Variants in INSR observed in about 807,000 individuals in gnomAD.
INSR encodes the protein IR.
A neutral mutation model predicts 142.6 loss-of-function variants in INSR; 67 were observed. That is an observed-to-expected ratio of 0.47 (90% CI 0.39 to 0.58). INSR has a LOEUF of 0.58. Among genes scored for constraint, INSR ranks in the 20% least tolerant of loss-of-function variants. INSR has a pLI of 0.00. For missense variants in INSR, 1,248 were observed against 1,833.2 expected, an observed-to-expected ratio of 0.68 and a Z score of 5.83; for synonymous variants, 756 against 743.1, an observed-to-expected ratio of 1.02 and a Z score of -0.28.
At chr19:7,153,540 G>T (rs1973507930) in intron 9 of INSR, among the ~76,000 whole-genome samples, 1 of 123,548 alleles carries the variant, frequency 8.1e-6, no homozygotes, top group Non-Finnish European at 1.9e-5. Flanking sequence ...AGCTGAGACA[G>T]AGCCTAGATT....
At chr19:7,222,301 C>T (rs1012536943) in intron 2 of INSR, among the ~76,000 whole-genome samples, 1 of 152,080 alleles carries the variant, frequency 6.6e-6, no homozygotes. Context: ...CTGTCTTGGT[C>T]TTTAATCCTG....
chr19:7,239,974 G>A (rs893652827), intron 2 of INSR, among the ~76,000 whole-genome samples: 1 of 152,022 alleles, frequency 6.6e-6, no homozygotes, highest in Non-Finnish European at 1.5e-5. Flanking sequence ...TCACTCTGTC[G>A]CCCAGGCTGG....
intron 14 of INSR, among the ~76,000 whole-genome samples, chr19:7,130,193 G>T (rs7252074): frequency 0.77 from 117,265 of 152,142 alleles, 45,460 homozygotes; most frequent in Admixed American, 0.87. Context: ...AAGAAAATGT[G>T]ATACATACAC....
chr19:7,283,025 C>T (rs1968251381), intron 1 of INSR, among the ~76,000 whole-genome samples: 1 of 151,532 alleles, frequency 6.6e-6, no homozygotes, highest in African/African-American at 2.4e-5. Context: ...GAGACCCCAT[C>T]TCTACTAAAA....
chr19:7,198,850 G>A (rs760332705), intron 2 of INSR, among the ~76,000 whole-genome samples: 15 of 152,032 alleles, frequency 9.9e-5, no homozygotes, highest in Non-Finnish European at 1.6e-4. Flanking sequence ...AACCAAGGCA[G>A]CGAGTGGACA....
intron 9 of INSR, among the ~76,000 whole-genome samples, chr19:7,158,462 C>T (rs1285813856): frequency 2.0e-5 from 3 of 152,090 alleles, no homozygotes; most frequent in Non-Finnish European, 4.4e-5. Flanking sequence ...GATCACGCCA[C>T]TGAACTCCAG....
In INSR at chr19:7,116,118, T is replaced by C. The variant is rs569805829; in HGVS notation, c.*938A>G. 1.9e-5 allele frequency: 1 copy of C among 52,498 alleles called. No homozygotes were observed. Among genetic ancestry groups the C allele is most frequent in the East Asian group, 1.0e-3 (1 of 984 alleles). The allele number at this position is 52,498 out of a possible 1,614,324, so 3.3% of individuals were successfully genotyped here. ...TCCTTTTTCCATTTTGTTTTTTCTT[T>C]CTTTTTCTTTTTTTTTTTTTAATGT... On this transcript the variant is annotated 3_prime_UTR_variant, in exon 22 of 22. Coordinates refer to ENST00000302850, the MANE Select transcript of INSR (RefSeq NM_000208.4).
chr19:7,230,088 G>A (rs150771891), intron 2 of INSR, among the ~76,000 whole-genome samples: 81 of 152,044 alleles, frequency 5.3e-4, no homozygotes, highest in African/African-American at 1.8e-3. Flanking sequence ...CAGCGTACCC[G>A]GCTCAGAACT....
intron 2 of INSR, among the ~76,000 whole-genome samples, chr19:7,204,555 A>G (rs1437849775): frequency 6.6e-6 from 1 of 152,208 alleles, no homozygotes; most frequent in African/African-American, 2.4e-5. Context: ...GATTTCAACA[A>G]AAGAAAGGAA....
At chr19:7,184,060 C>CAAAAAAAAAAAAAAAAAAAAAAA (rs533682498) in intron 3 of INSR, among the ~76,000 whole-genome samples, 15 of 85,080 alleles carry the variant, frequency 1.8e-4, no homozygotes, top group Non-Finnish European at 2.5e-4. Context: ...GACTCCATCT[C>CAAAAAAAAAAAAAAAAAAAAAAA]AAAAAAAAAA....
chr19:7,172,956 A>G (rs1197885026), intron 4 of INSR, among the ~76,000 whole-genome samples: 3 of 151,846 alleles, frequency 2.0e-5, no homozygotes, highest in Non-Finnish European at 2.9e-5. Flanking sequence ...GCCAAATTCT[A>G]CCTGTTTTGT....
chr19:7,251,436 T>C (rs1305275509), intron 2 of INSR, among the ~76,000 whole-genome samples: 1 of 151,894 alleles, frequency 6.6e-6, no homozygotes, highest in Non-Finnish European at 1.5e-5. Flanking sequence ...TTTTATTTTA[T>C]TTTTAGTAGA....
At chr19:7,169,828 G>A (rs150776584) in intron 6 of INSR, among the ~76,000 whole-genome samples, 46 of 152,128 alleles carry the variant, frequency 3.0e-4, no homozygotes, top group African/African-American at 8.9e-4. Flanking sequence ...TCCCGTATCC[G>A]GTACTATATG....
At position 7,141,794 on chromosome 19, in the gene INSR, G is replaced by T; in HGVS notation, c.2565C>A (p.Gly855=). The T allele has an allele frequency of 1.2e-6, 2 of 1,614,070 alleles. No individual in the cohort carries two copies. The highest frequency in any genetic ancestry group is 1.7e-6 in the Non-Finnish European group (2 of 1,179,962). ...MPEAKADDIV[G]PVTHEIFENN... ...TCTCAAAGATTTCATGCGTCACAGG[G>T]CCAACAATGTCATCAGCCTTGGCTG... Residue 855 remains glycine, a synonymous_variant, in exon 13 of 22, where the codon GGC becomes GGA. Transcript: ENST00000302850.
Position 7,184,408 on chromosome 19 carries a change from C to T in INSR, c.882G>A (p.Lys294=), listed in dbSNP as rs781653860. The T allele has an allele frequency of 1.2e-6, 2 of 1,614,086 alleles. No homozygotes were observed. The highest frequency in any genetic ancestry group is 2.2e-5 in the South Asian group (2 of 91,080). The change falls in exon 3 of 22, where the codon AAG becomes AAA. Residue 294 remains lysine, a synonymous_variant. Coordinates refer to ENST00000302850, the MANE Select transcript of INSR (RefSeq NM_000208.4). ...GGTGGCAGCCCTGCCTCCGCGAGTTCTTGCATTTGTGGTGCAGGTCCTGGC... is the reference window on the plus strand; with the variant it reads ...GGTGGCAGCCCTGCCTCCGCGAGTTTTTGCATTTGTGGTGCAGGTCCTGGC... ...SFCQDLHHKC[K]NSRRQGCHQY...
intron 2 of INSR, among the ~76,000 whole-genome samples, chr19:7,234,875 G>A (rs923746658): frequency 2.0e-5 from 3 of 151,978 alleles, no homozygotes; most frequent in African/African-American, 2.4e-5. Context: ...TGACTAACAT[G>A]ATGAAACCCC....
intron 2 of INSR, among the ~76,000 whole-genome samples, chr19:7,233,698 C>T (rs1171107870): frequency 1.4e-4 from 14 of 103,222 alleles, no homozygotes; most frequent in East Asian, 4.7e-4. Context: ...TTTTTTGAGA[C>T]GCAGTCTCGC....
At chr19:7,227,730 C>A (rs1047743608) in intron 2 of INSR, among the ~76,000 whole-genome samples, 7 of 152,202 alleles carry the variant, frequency 4.6e-5, no homozygotes, top group Non-Finnish European at 8.8e-5. Context: ...ACATGTTCTC[C>A]ATCAAGCCAC....
In INSR at chr19:7,119,823, CACACAA is replaced by C. The variant is rs66637440; in HGVS notation, c.3660-246_3660-241del. ...ATGCAAACACACAAACACATATACA[CACACAA>C]ACACACACACCCAAACACACACACG... On this transcript the variant is annotated intron_variant, in intron 20 of 21. Coordinates refer to ENST00000302850, the MANE Select transcript of INSR (RefSeq NM_000208.4). This position sits in a 1 kb window ranked among gnomAD's most constrained non-coding sequence, Gnocchi z 5.2. 0.45 allele frequency among the ~76,000 whole-genome samples: 66,268 copies of C among 146,998 alleles called. 14,889 individuals carry two copies. Among genetic ancestry groups the C allele is most frequent in the Admixed American group, 0.54 (8,050 of 14,934 alleles).
Sources: gnomAD v4.1 joint callset for allele counts (sites outside exome capture counted in the v4.1 genomes callset) on GRCh38, gnomAD v4.1.1 for gene constraint, Gnocchi (gnomAD v3.1) non-coding constraint, MANE v1.5 for transcripts, NCBI Gene and HGNC (gene_info 2026-07-23, HGNC 2026-07-21) for gene names.